GAB2: variants seen among roughly 807,000 people sequenced by gnomAD.
GAB2 encodes GRB2-associated-binding protein 2.
Under a neutral mutation model 65.5 loss-of-function variants are expected in GAB2, and 26 were observed. The ratio of observed to expected loss-of-function variants is 0.40; its 90% CI spans 0.29 to 0.55. The LOEUF is 0.55. GAB2 is among the 20% of genes least tolerant of loss of function. The probability of loss-of-function intolerance (pLI) is 0.53; values close to 1 mark genes in which losing one functional copy is unlikely to be tolerated. For missense variants in GAB2, 884 were observed against 875.8 expected, an observed-to-expected ratio of 1.01 and a Z score of -0.12; for synonymous variants, 321 against 329.6, an observed-to-expected ratio of 0.97 and a Z score of 0.28.
intron 2 of GAB2, among the ~76,000 whole-genome samples, chr11:78,252,523 C>T (rs1358241787): frequency 1.3e-5 from 2 of 152,162 alleles, no homozygotes; most frequent in Non-Finnish European, 2.9e-5. Context: ...TGGTGAGATT[C>T]TGTATTCTCT....
intron 1 of GAB2, among the ~76,000 whole-genome samples, chr11:78,353,057 G>A (rs1856303986): frequency 6.6e-6 from 1 of 152,148 alleles, no homozygotes; most frequent in African/African-American, 2.4e-5. Context: ...CTCAAAAAGT[G>A]GTCCCCATAC....
chr11:78,377,216 CA>C (rs1856642204), intron 1 of GAB2, among the ~76,000 whole-genome samples: 1 of 152,224 alleles, frequency 6.6e-6, no homozygotes, highest in South Asian at 2.1e-4. Flanking sequence ...GCCTAATACA[CA>C]GACATTTCTC....
At chr11:78,387,987 T>C (rs1856789952) in intron 1 of GAB2, 1 of 152,060 alleles carries the variant, frequency 6.6e-6, no homozygotes, top group African/African-American at 2.4e-5. Context: ...CACAGGACAG[T>C]ACTCTATATA....
chr11:78,405,053 C>T (rs1362785526), intron 1 of GAB2, among the ~76,000 whole-genome samples: 1 of 149,530 alleles, frequency 6.7e-6, no homozygotes, highest in Non-Finnish European at 1.5e-5. Context: ...AAAATAAAGG[C>T]AGAATCCTAA....
At chr11:78,223,884 C>G (rs1373790239) in intron 5 of GAB2, among the ~76,000 whole-genome samples, 1 of 151,974 alleles carries the variant, frequency 6.6e-6, no homozygotes, top group African/African-American at 2.4e-5. Flanking sequence ...GGTTCGAGAC[C>G]AGCTTGGCCA....
At position 78,351,560 on chromosome 11, in the gene GAB2, C is replaced by T. The variant is rs142411031; in HGVS notation, c.75+66086G>A. 5.6e-4 allele frequency among the ~76,000 whole-genome samples: 85 copies of T among 152,298 alleles called. No individual in the cohort carries two copies. In the East Asian group the frequency reaches 0.013, roughly 24 times the overall value. ...TCAGTAGAGGGGTGGTATGAGCTTT[C>T]GTTCTCACATCTTCTCCTTCAATAA... On this transcript the variant is annotated intron_variant, in intron 1 of 9. Coordinates refer to ENST00000361507, the MANE Select transcript of GAB2 (RefSeq NM_080491.3).
intron 2 of GAB2, among the ~76,000 whole-genome samples, chr11:78,279,311 G>A (rs1024810444): frequency 1.3e-5 from 2 of 152,120 alleles, no homozygotes; most frequent in African/African-American, 2.4e-5. Context: ...TAGTAATAGT[G>A]GAGTGTTAAA....
intron 1 of GAB2, among the ~76,000 whole-genome samples, chr11:78,294,489 A>G (rs1339187657): frequency 1.1e-4 from 17 of 152,226 alleles, no homozygotes. Context: ...AGGAATCGCC[A>G]CGCTGACTTC....
chr11:78,410,755 A>G (rs570592592), intron 1 of GAB2, among the ~76,000 whole-genome samples: 3 of 152,322 alleles, frequency 2.0e-5, no homozygotes, highest in African/African-American at 7.2e-5. Context: ...AAATTGGATT[A>G]AAAATGTAAA....
At chr11:78,298,987 A>G (rs537481864) in intron 1 of GAB2, among the ~76,000 whole-genome samples, 1 of 152,324 alleles carries the variant, frequency 6.6e-6, no homozygotes, top group South Asian at 2.1e-4. Flanking sequence ...AGAATCACTA[A>G]GACATCTGTT....
intron 1 of GAB2, among the ~76,000 whole-genome samples, chr11:78,345,533 AT>A (rs1346456726): frequency 1.3e-5 from 2 of 152,188 alleles, no homozygotes; most frequent in Non-Finnish European, 2.9e-5. Context: ...ACATTTTGTA[AT>A]TCATTAAATA....
In GAB2 at chr11:78,227,009, C is replaced by A. The variant is rs936974380; in HGVS notation, c.663G>T (p.Met221Ile). 5 of 1,613,390 alleles carry A rather than the reference C, an allele frequency of 3.1e-6. No individual in the cohort carries two copies. The highest frequency in any genetic ancestry group is 1.7e-5 in the Admixed American group (1 of 60,020). The part of the protein sequence containing the change: ...FSQGTRASFL[M>I]RSDTAVQKLA... ...GTTTTTGTACAGCTGTGTCACTCCT[C>A]ATGAGAAAAGAGGCTCTGGTGCCCT... The change falls in exon 4 of 10, where the codon ATG (methionine) becomes ATT (isoleucine). Residue 221 changes from methionine (M) to isoleucine (I), a missense_variant. Coordinates refer to ENST00000361507, the MANE Select transcript of GAB2 (RefSeq NM_080491.3).
At chr11:78,253,533 A>G (rs1024674744) in intron 2 of GAB2, among the ~76,000 whole-genome samples, 3 of 152,002 alleles carry the variant, frequency 2.0e-5, no homozygotes, top group East Asian at 1.9e-4. Context: ...GCCTTAATCA[A>G]TCCTCCTGCC....
At chr11:78,231,496 C>A (rs1192077319) in intron 3 of GAB2, among the ~76,000 whole-genome samples, 1 of 152,100 alleles carries the variant, frequency 6.6e-6, no homozygotes, top group Non-Finnish European at 1.5e-5. Flanking sequence ...ATTACAGGAG[C>A]GTACCACTGC....
intron 1 of GAB2, among the ~76,000 whole-genome samples, chr11:78,397,696 T>C (rs1856919002): frequency 6.6e-6 from 1 of 152,216 alleles, no homozygotes; most frequent in Non-Finnish European, 1.5e-5. Flanking sequence ...GTCTTTGTCA[T>C]TTGTGTAGTA....
chr11:78,328,951 G>C (rs918173032), intron 1 of GAB2, among the ~76,000 whole-genome samples: 6 of 152,134 alleles, frequency 3.9e-5, no homozygotes, highest in African/African-American at 1.2e-4. Flanking sequence ...CTCAACAGAT[G>C]TGGAACTCTA....
intron 1 of GAB2, among the ~76,000 whole-genome samples, chr11:78,404,455 C>G (rs574897897): frequency 1.1e-3 from 160 of 152,266 alleles, no homozygotes; most frequent in African/African-American, 3.4e-3. Context: ...GATGAGGTGG[C>G]AGGATCGCTT....
intron 1 of GAB2, among the ~76,000 whole-genome samples, chr11:78,331,134 C>T: frequency 6.6e-6 from 1 of 151,924 alleles, no homozygotes; most frequent in Middle Eastern, 3.2e-3. Flanking sequence ...GAAATCGCGC[C>T]ACTGCACTCC....
At position 78,337,519 on chromosome 11, in the gene GAB2, C is replaced by T. The variant is rs186253847; in HGVS notation, c.76-56618G>A. Among the ~76,000 whole-genome samples, 194 of 152,214 alleles carry T rather than the reference C, an allele frequency of 1.3e-3. 1 individual carries two copies. Among genetic ancestry groups the T allele is most frequent in the African/African-American group, 4.0e-3 (167 of 41,512 alleles). On this transcript the variant is annotated intron_variant, in intron 1 of 9. Coordinates refer to ENST00000361507, the MANE Select transcript of GAB2 (RefSeq NM_080491.3). Reference sequence around the variant, plus strand: ...TGTTTTCTCCCCTGACAACCCACACCGTTCTCTTAGAGGCAGGGAAAAGAG... The same window carrying T: ...TGTTTTCTCCCCTGACAACCCACACTGTTCTCTTAGAGGCAGGGAAAAGAG...
Sources: gnomAD v4.1 joint callset for allele counts (sites outside exome capture counted in the v4.1 genomes callset) on GRCh38, gnomAD v4.1.1 for gene constraint, MANE v1.5 for transcripts, NCBI Gene and HGNC (gene_info 2026-07-23, HGNC 2026-07-21) for gene names.